Variants in HRH2 observed in about 807,000 individuals in gnomAD.
HRH2 encodes histamine H2 receptor.
A neutral mutation model predicts 20.1 loss-of-function variants in HRH2; 4 were observed. The ratio of observed to expected loss-of-function variants is 0.20; its 90% confidence interval spans 0.10 to 0.45. The LOEUF is 0.45. HRH2 is among the 20% of genes least tolerant of loss of function. The pLI is 0.99. For missense variants in HRH2, 250 were observed against 461.6 expected, an observed-to-expected ratio of 0.54 and a Z score of 4.20; for synonymous variants, 197 against 200.7, an observed-to-expected ratio of 0.98 and a Z score of 0.16.
At chr5:175,667,467 A>G (rs941832851) in intron 1 of HRH2, among the ~76,000 whole-genome samples, 2 of 126,192 alleles carry the variant, frequency 1.6e-5, no homozygotes, top group African/African-American at 6.0e-5. Flanking sequence ...CCAAAAAAAG[A>G]AAAGGAAAAG....
intron 1 of HRH2, among the ~76,000 whole-genome samples, chr5:175,668,659 C>T (rs767825105): frequency 2.6e-5 from 4 of 152,144 alleles, no homozygotes; most frequent in South Asian, 4.2e-4. Flanking sequence ...ATGAGAGTCG[C>T]GGTGAGGGGC....
intron 2 of HRH2, chr5:175,691,181 G>A (rs1369988821): frequency 3.3e-5 from 5 of 152,316 alleles, no homozygotes; most frequent in South Asian, 4.1e-4. Flanking sequence ...GCGGAGCAAC[G>A]GCGCAAGCTC....
chr5:175,668,675 A>G (rs2113483295), intron 1 of HRH2, among the ~76,000 whole-genome samples: 1 of 152,196 alleles, frequency 6.6e-6, no homozygotes, highest in South Asian at 2.1e-4. Context: ...GGGGCCGGCT[A>G]GGAGGAAGGG....
chr5:175,669,845 A>C (rs761415305), intron 1 of HRH2, among the ~76,000 whole-genome samples: 36 of 152,234 alleles, frequency 2.4e-4, no homozygotes, highest in Non-Finnish European at 4.7e-4. Context: ...GATCCAAGCA[A>C]GGTCCCTTTT....
At chr5:175,689,715 T>C (rs946081964) in intron 2 of HRH2, among the ~76,000 whole-genome samples, 5 of 152,214 alleles carry the variant, frequency 3.3e-5, no homozygotes, top group Admixed American at 6.5e-5. Flanking sequence ...CTCTGAATCA[T>C]AGAACCTCGG....
At chr5:175,667,585 C>T (rs2113480801) in intron 1 of HRH2, among the ~76,000 whole-genome samples, 1 of 152,208 alleles carries the variant, frequency 6.6e-6, no homozygotes, top group South Asian at 2.1e-4. Flanking sequence ...TTGGCTGTCC[C>T]CCCACATCCC....
chr5:175,669,562 C>T (rs1755444234), intron 1 of HRH2, among the ~76,000 whole-genome samples: 1 of 152,018 alleles, frequency 6.6e-6, no homozygotes, highest in Non-Finnish European at 1.5e-5. Flanking sequence ...TGGGGTTTCA[C>T]TATGTTGGCC....
chr5:175,689,484 AAATG>A (rs1756288352), intron 2 of HRH2, among the ~76,000 whole-genome samples: 2 of 152,228 alleles, frequency 1.3e-5, no homozygotes, highest in African/African-American at 4.8e-5. Flanking sequence ...CTGATTGAAT[AAATG>A]AATGAGTGGA....
chr5:175,678,110 A>G (rs1314096967), intron 1 of HRH2, among the ~76,000 whole-genome samples: 1 of 152,130 alleles, frequency 6.6e-6, no homozygotes, highest in East Asian at 1.9e-4. Flanking sequence ...TTCCCTTTAT[A>G]TAACTCTTAG....
rs1755878512 is a variant in HRH2 at position 175,679,345 on chromosome 5, G to A, written c.-525-3364G>A. Among the ~76,000 whole-genome samples, 4 of 152,156 alleles carry A rather than the reference G, an allele frequency of 2.6e-5. No homozygotes were observed. In the South Asian group the frequency reaches 8.3e-4, roughly 32 times the overall value. The stretch of plus-strand genomic sequence containing the variant: ...CAGAAAGCACAAGCCTCTGCCTGAG[G>A]TGAGTACAAGGGAGGTAGAAGTGAG... On this transcript the variant is annotated intron_variant, in intron 1 of 2. Transcript: ENST00000636584.
At chr5:175,700,245 A>AGAT (rs1358543442) in intron 2 of HRH2, among the ~76,000 whole-genome samples, 4 of 152,236 alleles carry the variant, frequency 2.6e-5, no homozygotes, top group Non-Finnish European at 5.9e-5. Context: ...GTGAGAAGGT[A>AGAT]GATGGTGAAA....
At chr5:175,659,853 T>A (rs1041015793) in intron 1 of HRH2, among the ~76,000 whole-genome samples, 1 of 152,206 alleles carries the variant, frequency 6.6e-6, no homozygotes, top group Non-Finnish European at 1.5e-5. Flanking sequence ...GGGGTACTCT[T>A]GCCAAGGGAT....
intron 2 of HRH2, among the ~76,000 whole-genome samples, chr5:175,694,639 A>C (rs966570662): frequency 6.6e-6 from 1 of 152,102 alleles, no homozygotes; most frequent in African/African-American, 2.4e-5. Context: ...AGGAGAGGGA[A>C]GAGGAACTGG....
chr5:175,701,430 A>G (rs968043873), intron 2 of HRH2, among the ~76,000 whole-genome samples: 1 of 152,176 alleles, frequency 6.6e-6, no homozygotes, highest in Non-Finnish European at 1.5e-5. Context: ...CAAGGGCTCA[A>G]ATGTCCTCAG....
chr5:175,684,511 TTA>T, intron 2 of HRH2: 1 of 323,912 alleles, frequency 3.1e-6, no homozygotes, highest in Non-Finnish European at 4.4e-6. Context: ...AAGGAGCACA[TTA>T]AAATTCTCAG....
intron 1 of HRH2, among the ~76,000 whole-genome samples, chr5:175,674,789 G>A (rs1416939752): frequency 1.3e-5 from 2 of 152,304 alleles, no homozygotes; most frequent in East Asian, 3.9e-4. Context: ...GAAGCTGGGG[G>A]CTTTCTCTCC....
At chr5:175,701,892 C>T (rs1269222078) in intron 2 of HRH2, among the ~76,000 whole-genome samples, 1 of 152,210 alleles carries the variant, frequency 6.6e-6, no homozygotes, top group Non-Finnish European at 1.5e-5. Flanking sequence ...GCTAAAATAG[C>T]TTCCAGTGTT....
rs1424916247 is a variant in HRH2, at chr5:175,693,195, G to C, written c.1076+8886G>C. Among the ~76,000 whole-genome samples, 1 of 152,250 alleles carries C rather than the reference G, an allele frequency of 6.6e-6. No individual in the cohort carries two copies. The highest frequency in any genetic ancestry group is 1.5e-5 in the Non-Finnish European group (1 of 68,052). On this transcript the variant is annotated intron_variant, in intron 2 of 2. Coordinates refer to ENST00000636584, the MANE Select transcript of HRH2 (RefSeq NM_001367711.1). The surrounding 1 kb of genome is among the most constrained non-coding windows in gnomAD (Gnocchi z 4.4). ...GCAGTGGTGAGTCACAGGGCTCCCT[G>C]TTTTGGGGGCTTCATTACGCTCGCA...
rs544908390 is a variant in HRH2 at position 175,686,885 on chromosome 5, C to T, written c.1076+2576C>T. Among the ~76,000 whole-genome samples, 10 of 152,340 alleles carry T rather than the reference C, an allele frequency of 6.6e-5. No homozygotes were observed. In the South Asian group the frequency reaches 1.4e-3, roughly 22 times the overall value. On this transcript the variant is annotated intron_variant, in intron 2 of 2. Transcript: ENST00000636584. The surrounding 1 kb of genome is among the most constrained non-coding windows in gnomAD (Gnocchi z 4.7). ...ATCTGAGCAACAACAGAAATAGCAG[C>T]GCCTGCCGCAGACTGTCCTCCAGGC...
Sources: gnomAD v4.1 joint callset for allele counts (sites outside exome capture counted in the v4.1 genomes callset) on GRCh38, gnomAD v4.1.1 for gene constraint, Gnocchi (gnomAD v3.1) non-coding constraint, MANE v1.5 for transcripts, NCBI Gene and HGNC (gene_info 2026-07-23, HGNC 2026-07-21) for gene names.